DSG4: variants seen among roughly 807,000 people sequenced by gnomAD.
DSG4 encodes the protein desmoglein-4.
Under a neutral mutation model 93.1 loss-of-function variants are expected in DSG4, and 87 were observed. The ratio of observed to expected loss-of-function variants is 0.93; its 90% CI spans 0.79 to 1.12. The LOEUF (loss-of-function observed/expected upper bound fraction) is 1.12, where lower values mean the gene tolerates loss of function less well. Among genes scored for constraint, DSG4 ranks in the 50% most tolerant of loss-of-function variants. The probability of loss-of-function intolerance (pLI) is 0.00; values close to 1 mark genes in which losing one functional copy is unlikely to be tolerated. For synonymous variants in DSG4, 432 were observed against 452.9 expected (o/e 0.95, Z 0.59); for missense variants, 1,373 against 1,285.7 (o/e 1.07, Z -1.04).
chr18:31,385,884 G>T (rs2072181608), intron 2 of DSG4, among the ~76,000 whole-genome samples: 1 of 152,060 alleles, frequency 6.6e-6, no homozygotes, highest in Non-Finnish European at 1.5e-5. Flanking sequence ...ATAATCACCT[G>T]TGTTTCAGGG....
At chr18:31,390,922 A>G (rs972892475) in intron 6 of DSG4, 100 bp downstream of exon 6, 1 of 1,509,970 alleles carries the variant, frequency 6.6e-7, no homozygotes, top group African/African-American at 1.4e-5. Context: ...TAAAGGAGGG[A>G]AGAAAAATAA....
chr18:31,413,961 C>G lies in DSG4; in HGVS notation c.*366C>G, dbSNP rs1373993876. The G allele has an allele frequency of 1.2e-5, 2 of 166,502 alleles. No individual in the cohort carries two copies. Among genetic ancestry groups the G allele is most frequent in the African/African-American group, 4.8e-5 (2 of 41,674 alleles). The allele number at this position is 166,502 out of a possible 1,614,324, so 10.3% of individuals were successfully genotyped here. A position where few individuals can be genotyped will look rare whatever the true frequency, so the allele number is the denominator to read the frequency against. The stretch of plus-strand genomic sequence containing the variant: ...GTTCTTGGAAGTTACAAAAGAAGCC[C>G]TGTCTACATCCACCAGCCATATTTT... On this transcript the variant is annotated 3_prime_UTR_variant, in exon 16 of 16. Coordinates refer to ENST00000308128, the MANE Select transcript of DSG4 (RefSeq NM_177986.5).
chr18:31,411,416 A>G lies in DSG4; in HGVS notation c.2323A>G (p.Asn775Asp), dbSNP rs1028715211. The change falls in exon 15 of 16, where the codon AAC becomes GAC. Residue 775 changes from asparagine to aspartate, a missense_variant. Asn to Asp is a conservative substitution (Grantham distance 23, BLOSUM62 1). Transcript: ENST00000308128. Reference sequence around the variant, plus strand: ...GCGGGACTACGCTGACGCAGACATCAACATGGCTTTCTTGGACAGCTACTT... The same window carrying G: ...GCGGGACTACGCTGACGCAGACATCGACATGGCTTTCTTGGACAGCTACTT... ...TLRDYADADI[N>D]MAFLDSYFSE... 9.3e-6 allele frequency: 15 copies of G among 1,613,820 alleles called. No homozygotes were observed. Among genetic ancestry groups the G allele is most frequent in the African/African-American group, 1.3e-5 (1 of 74,814 alleles).
chr18:31,400,812 G>A lies in DSG4; in HGVS notation c.1278-69G>A, dbSNP rs2072356427. 4.6e-6 allele frequency: 7 copies of A among 1,521,778 alleles called. No homozygotes were observed. The Admixed American group carries it at 1.2e-4, about 26-fold the overall frequency. 94.3% of individuals were successfully genotyped at this position (1,521,778 alleles called of 1,614,324 possible). A position where few individuals can be genotyped will look rare whatever the true frequency, so the allele number is the denominator to read the frequency against. On this transcript the variant is annotated intron_variant, in intron 9 of 15. Coordinates refer to ENST00000308128, the MANE Select transcript of DSG4 (RefSeq NM_177986.5). ...CAATATTAAAGTTTGCCACATTGTA[G>A]CTGTTACATGATTTAAAAGTACTAA...
intron 1 of DSG4, among the ~76,000 whole-genome samples, chr18:31,383,745 C>T (rs2072159762): frequency 6.6e-6 from 1 of 152,078 alleles, no homozygotes; most frequent in Non-Finnish European, 1.5e-5. Flanking sequence ...TCAGCCATGG[C>T]AAACGTTATT....
chr18:31,400,262 T>A (rs987207898), intron 9 of DSG4, among the ~76,000 whole-genome samples: 2 of 152,192 alleles, frequency 1.3e-5, no homozygotes, highest in African/African-American at 4.8e-5. Context: ...TTAAATCAGT[T>A]AACAAATTGA....
rs1355998063 is a variant in DSG4 at position 31,399,544 on chromosome 18, G to C, written c.1277+1G>C. On this transcript the variant is annotated splice_donor_variant, in intron 9 of 15. Coordinates refer to ENST00000308128, the MANE Select transcript of DSG4 (RefSeq NM_177986.5). LOFTEE classifies it high-confidence loss of function. ...CAGGAAACCCTGCAACAGATGTCAG[G>C]TACTGCAACTATTTTCTTCATGTTC... The C allele has an allele frequency of 6.2e-7, 1 of 1,613,872 alleles. No individual in the cohort carries two copies. The highest frequency in any genetic ancestry group is 8.5e-7 in the Non-Finnish European group (1 of 1,179,864).
chr18:31,410,912 C>A (rs2072480320), intron 14 of DSG4, among the ~76,000 whole-genome samples: 1 of 152,212 alleles, frequency 6.6e-6, no homozygotes, highest in African/African-American at 2.4e-5. Context: ...CTGGATCAAG[C>A]CCGCAGCAGC....
rs2072193666 is a variant in DSG4, at chr18:31,386,825, T to A, written c.216+6T>A. 3.1e-6 allele frequency: 5 copies of A among 1,612,724 alleles called. No individual in the cohort carries two copies. The highest frequency in any genetic ancestry group is 1.7e-5 in the Admixed American group (1 of 59,934). On this transcript the variant is annotated splice_donor_region_variant and intron_variant, in intron 3 of 15. Transcript: ENST00000308128. ...AGAGGAACCCCATTGCCAAAGTAAGTGATGAAGCAATCTGATGACAAATGC... is the reference window on the plus strand; with the variant it reads ...AGAGGAACCCCATTGCCAAAGTAAGAGATGAAGCAATCTGATGACAAATGC...
In DSG4 at chr18:31,412,813, T is replaced by C; in HGVS notation, c.2356-15T>C. 6.2e-7 allele frequency: 1 copy of C among 1,613,990 alleles called. No individual in the cohort carries two copies. Among genetic ancestry groups the C allele is most frequent in the Non-Finnish European group, 8.5e-7 (1 of 1,179,964 alleles). On this transcript the variant is annotated splice_polypyrimidine_tract_variant and intron_variant, in intron 15 of 15. Coordinates refer to ENST00000308128, the MANE Select transcript of DSG4 (RefSeq NM_177986.5). The stretch of plus-strand genomic sequence containing the variant: ...AAAAAGAAATTTCTAATTCTGTATT[T>C]CCTTTTAATTTTAGAAAGCGTATGC...
At chr18:31,384,802 G>A (rs1321319486) in intron 1 of DSG4, among the ~76,000 whole-genome samples, 4 of 152,018 alleles carry the variant, frequency 2.6e-5, no homozygotes, top group African/African-American at 7.2e-5. Context: ...TATCAAACTA[G>A]CTTCATTCTG....
intron 8 of DSG4, among the ~76,000 whole-genome samples, chr18:31,392,871 C>A (rs1326011746): frequency 6.6e-6 from 1 of 152,142 alleles, no homozygotes; most frequent in Non-Finnish European, 1.5e-5. Flanking sequence ...TGGTGAGCAA[C>A]CCCGTGGGGC....
chr18:31,386,633 T>A, intron 2 of DSG4, 55 bp from the exon 3 acceptor site: 5 of 1,607,834 alleles, frequency 3.1e-6, no homozygotes, highest in Non-Finnish European at 4.3e-6. Flanking sequence ...ATAAATGTCC[T>A]TTCTAAGTAA....
rs113083176 is a variant in DSG4, at chr18:31,399,622, G to T, written c.1277+79G>T. 35 of 1,588,898 alleles carry T rather than the reference G, an allele frequency of 2.2e-5. 1 individual carries two copies. In the African/African-American group the frequency reaches 2.3e-4, roughly 10 times the overall value. On this transcript the variant is annotated intron_variant, in intron 9 of 15. Transcript: ENST00000308128. ...TAGCATGCGCTAATATATGTTGGTT[G>T]TAATACTTTTGGAGGGCTTTTTTGC... is the stretch of plus-strand genomic sequence containing the variant.
intron 14 of DSG4, among the ~76,000 whole-genome samples, chr18:31,410,684 G>T (rs2072477515): frequency 6.6e-6 from 1 of 152,116 alleles, no homozygotes; most frequent in Admixed American, 6.6e-5. Context: ...TAGCTATATG[G>T]CAATGATTGC....
chr18:31,406,193 T>A lies in DSG4; in HGVS notation c.1753T>A (p.Tyr585Asn). 2.5e-6 allele frequency: 4 copies of A among 1,614,184 alleles called. No individual in the cohort carries two copies. Among genetic ancestry groups the A allele is most frequent in the Non-Finnish European group, 3.4e-6 (4 of 1,180,044 alleles). ...ACELAQMVQL[Y>N]ACDCDDNHMC... ...TGAATTGGCACAAATGGTGCAGTTA[T>A]ATGCCTGTGATTGCGATGACAACCA... Residue 585 changes from tyrosine to asparagine, a missense_variant, in exon 12 of 16, where the codon TAT (tyrosine) becomes AAT (asparagine). Transcript: ENST00000308128.
At chr18:31,408,468 G>A (rs2072451230) in intron 12 of DSG4, among the ~76,000 whole-genome samples, 1 of 152,190 alleles carries the variant, frequency 6.6e-6, no homozygotes, top group African/African-American at 2.4e-5. Flanking sequence ...TAGTGCAGAT[G>A]GCAAAATTGC....
At chr18:31,406,400 TC>T in intron 12 of DSG4, 27 bp downstream of exon 12, 1 of 1,613,684 alleles carries the variant, frequency 6.2e-7, no homozygotes, top group African/African-American at 1.3e-5. Flanking sequence ...ATCCTTCTTT[TC>T]AATAGTTCTT....
chr18:31,390,906 C>T, intron 6 of DSG4, 84 bp downstream of exon 6: 2 of 1,539,550 alleles, frequency 1.3e-6, no homozygotes, highest in Non-Finnish European at 1.8e-6. Context: ...TACCCTTACT[C>T]CAATATAAAG....
Sources: allele counts gnomAD v4.1 joint callset (sites outside exome capture counted in the v4.1 genomes callset), GRCh38; gene constraint gnomAD v4.1.1; transcripts MANE v1.5; gene names NCBI Gene and HGNC (gene_info 2026-07-23, HGNC 2026-07-21).